The following RASSF5 variants were observed in gnomAD, a reference collection of about 807,000 sequenced individuals.
RASSF5 encodes the protein Ras association domain family member 5.
Under a neutral mutation model 40.5 loss-of-function variants are expected in RASSF5, and 25 were observed. The observed-to-expected ratio is 0.62, with a 90% CI of 0.45 to 0.86. The LOEUF is 0.86. Among genes scored for constraint, RASSF5 ranks in the 40% least tolerant of loss-of-function variants. RASSF5 has a pLI of 0.00. For synonymous variants in RASSF5, 246 were observed against 252.4 expected, an observed-to-expected ratio of 0.97 and a Z score of 0.24; for missense variants, 521 against 572.8, an observed-to-expected ratio of 0.91 and a Z score of 0.92.
chr1:206,581,657 A>AAAGG (rs782796345), intron 2 of RASSF5, among the ~76,000 whole-genome samples: 4 of 149,100 alleles, frequency 2.7e-5, no homozygotes, highest in East Asian at 1.9e-4. Context: ...GAGAGAAAGA[A>AAAGG]AAGGAAGGAA....
chr1:206,538,042 G>C, intron 1 of RASSF5, 130 bp from the exon 2 acceptor site: 1 of 1,309,744 alleles, frequency 7.6e-7, no homozygotes, highest in Admixed American at 1.8e-5. Context: ...GCTGTCTCCC[G>C]CCCCACCACT....
intron 1 of RASSF5, among the ~76,000 whole-genome samples, chr1:206,536,791 G>T (rs1019531180): frequency 7.4e-6 from 1 of 135,414 alleles, no homozygotes; most frequent in Non-Finnish European, 1.6e-5. Context: ...CACAAAACCC[G>T]CCCACCCTAA....
chr1:206,559,879 C>A lies in RASSF5; in HGVS notation c.579+21586C>A, dbSNP rs139103491. On this transcript the variant is annotated intron_variant, in intron 2 of 5. Coordinates refer to ENST00000579436, the MANE Select transcript of RASSF5 (RefSeq NM_182663.4). ...CTGGGTGAGCAAGTGCAGGGGTGGA[C>A]TGAGGAGGGTGAGGCAGGCTGAGCT... Among the ~76,000 whole-genome samples the A allele has an allele frequency of 1.3e-3, 193 of 152,236 alleles. 1 individual carries two copies. Among genetic ancestry groups the A allele is most frequent in the Middle Eastern group, 3.4e-3 (1 of 294 alleles).
At chr1:206,525,978 C>T (rs1267629940) in intron 1 of RASSF5, among the ~76,000 whole-genome samples, 1 of 152,104 alleles carries the variant, frequency 6.6e-6, no homozygotes, top group Non-Finnish European at 1.5e-5. Context: ...CCAGCTTCAC[C>T]CCACCTGTCC....
chr1:206,520,278 A>T (rs1666870125), intron 1 of RASSF5, among the ~76,000 whole-genome samples: 1 of 151,942 alleles, frequency 6.6e-6, no homozygotes, highest in Non-Finnish European at 1.5e-5. Flanking sequence ...CACTCACAAG[A>T]CTCCATGAGC....
At position 206,535,179 on chromosome 1, in the gene RASSF5, G is replaced by A. The variant is rs993940398; in HGVS notation, c.458-2993G>A. Among the ~76,000 whole-genome samples the A allele has an allele frequency of 6.6e-6, 1 of 152,168 alleles. No individual in the cohort carries two copies. The highest frequency in any genetic ancestry group is 1.5e-5 in the Non-Finnish European group (1 of 68,040). On this transcript the variant is annotated intron_variant, in intron 1 of 5. Transcript: ENST00000579436. The surrounding 1 kb of genome is among the most constrained non-coding windows in gnomAD (Gnocchi z 5.0). The stretch of plus-strand genomic sequence containing the variant: ...GATAGTGCCACTGCACTGCAGCCTG[G>A]GTGGCAGAGTGAAACCTTGCCTCAA...
chr1:206,520,155 A>C (rs1666868196), intron 1 of RASSF5, among the ~76,000 whole-genome samples: 1 of 152,182 alleles, frequency 6.6e-6, no homozygotes. Flanking sequence ...GGGCTTGCTT[A>C]ACTTGTGTTA....
Position 206,507,893 on chromosome 1 carries a change from G to C in RASSF5, c.291G>C (p.Ala97=). The change falls in exon 1 of 6, where the codon GCG becomes GCC. Residue 97 remains alanine, a synonymous_variant. Transcript: ENST00000579436. ...LQQRLRRRPG[A]PRPRDVRSIF... The stretch of plus-strand genomic sequence containing the variant: ...AGAGACTGCGGCGGCGGCCTGGAGC[G>C]CCCCGACCCCGCGACGTGCGGAGCA... 2.0e-6 allele frequency: 3 copies of C among 1,500,504 alleles called. No individual in the cohort carries two copies. Among genetic ancestry groups the C allele is most frequent in the Non-Finnish European group, 2.7e-6 (3 of 1,131,980 alleles). The allele number at this position is 1,500,504 out of a possible 1,614,324, so 92.9% of individuals were successfully genotyped here.
chr1:206,566,839 T>C (rs982893066), intron 2 of RASSF5, among the ~76,000 whole-genome samples: 1 of 152,310 alleles, frequency 6.6e-6, no homozygotes, highest in East Asian at 1.9e-4. Flanking sequence ...GCTATAATTT[T>C]CTGGACCAGG....
At chr1:206,533,045 G>C (rs1283212425) in intron 1 of RASSF5, among the ~76,000 whole-genome samples, 1 of 152,158 alleles carries the variant, frequency 6.6e-6, no homozygotes, top group Non-Finnish European at 1.5e-5. Flanking sequence ...ATTAAGGGGA[G>C]GTTTGTAGCT....
chr1:206,548,915 G>A (rs1276537731), intron 2 of RASSF5, among the ~76,000 whole-genome samples: 2 of 152,230 alleles, frequency 1.3e-5, no homozygotes, highest in East Asian at 1.9e-4. Flanking sequence ...GCCCGGGCTG[G>A]AGTGCAATGG....
At chr1:206,536,760 C>A (rs1667423655) in intron 1 of RASSF5, among the ~76,000 whole-genome samples, 1 of 152,140 alleles carries the variant, frequency 6.6e-6, no homozygotes, top group Non-Finnish European at 1.5e-5. Flanking sequence ...GCAATCAAGT[C>A]CAGGCTGTCA....
At chr1:206,519,246 A>G (rs147781898) in intron 1 of RASSF5, among the ~76,000 whole-genome samples, 29 of 152,304 alleles carry the variant, frequency 1.9e-4, no homozygotes, top group African/African-American at 6.5e-4. Context: ...CCCTTTTCCA[A>G]TGAAAGGAAG....
In RASSF5 at chr1:206,513,936, C is replaced by G. The variant is rs1572288512; in HGVS notation, c.457+5877C>G. On this transcript the variant is annotated intron_variant, in intron 1 of 5. Transcript: ENST00000579436. The surrounding 1 kb of genome is among the most constrained non-coding windows in gnomAD (Gnocchi z 5.0). ...AAGGTCAAGACTATCTTGACTCACA[C>G]CTGGGGAAGTGACTTTTGAGTTTTT... 6.6e-6 allele frequency among the ~76,000 whole-genome samples: 1 copy of G among 152,306 alleles called. No individual in the cohort carries two copies. Among genetic ancestry groups the G allele is most frequent in the East Asian group, 1.9e-4 (1 of 5,176 alleles).
intron 1 of RASSF5, among the ~76,000 whole-genome samples, chr1:206,521,237 G>A (rs782467343): frequency 6.6e-6 from 1 of 152,176 alleles, no homozygotes. Context: ...TGGCTGCAGC[G>A]ATGCAGCTGT....
intron 2 of RASSF5, among the ~76,000 whole-genome samples, chr1:206,565,235 G>A (rs1487151816): frequency 6.6e-6 from 1 of 151,984 alleles, no homozygotes; most frequent in African/African-American, 2.4e-5. Context: ...CTCTGTCCCC[G>A]CCTCACCCTG....
chr1:206,529,765 C>CAAA (rs34769485), intron 1 of RASSF5: 62 of 395,076 alleles, frequency 1.6e-4, no homozygotes, highest in Middle Eastern at 7.8e-4. Flanking sequence ...ATTTTTCCTT[C>CAAA]AAAAAAAAAA....
chr1:206,566,913 G>A (rs1668305042), intron 2 of RASSF5, among the ~76,000 whole-genome samples: 1 of 152,218 alleles, frequency 6.6e-6, no homozygotes, highest in African/African-American at 2.4e-5. Context: ...GGGTTTGACA[G>A]AGGAGGAGTG....
At chr1:206,526,353 G>A (rs1474603359) in intron 1 of RASSF5, among the ~76,000 whole-genome samples, 3 of 149,844 alleles carry the variant, frequency 2.0e-5, no homozygotes, top group African/African-American at 2.5e-5. Flanking sequence ...CAGGCCCTCC[G>A]GGCTGGGCTG....
Sources: gnomAD v4.1 joint callset for allele counts (sites outside exome capture counted in the v4.1 genomes callset) on GRCh38, gnomAD v4.1.1 for gene constraint, Gnocchi (gnomAD v3.1) non-coding constraint, MANE v1.5 for transcripts, NCBI Gene and HGNC (gene_info 2026-07-23, HGNC 2026-07-21) for gene names.